WDR70: variants seen among roughly 807,000 people sequenced by gnomAD.
WDR70 encodes WD repeat domain 70, also known as WD repeat-containing protein 70.
A neutral mutation model predicts 88.6 loss-of-function variants in WDR70; 53 were observed. The observed-to-expected ratio is 0.60, with a 90% CI of 0.48 to 0.75. WDR70 has a LOEUF of 0.75. Ranked by LOEUF, WDR70 falls within the 30% of genes least tolerant of loss-of-function variation. WDR70 has a pLI of 0.00. For synonymous variants in WDR70, 280 were observed against 270.0 expected, an observed-to-expected ratio of 1.04 and a Z score of -0.36; for missense variants, 610 against 823.2, an observed-to-expected ratio of 0.74 and a Z score of 3.17.
At chr5:37,533,501 A>G (rs1741564788) in intron 9 of WDR70, among the ~76,000 whole-genome samples, 1 of 137,010 alleles carries the variant, frequency 7.3e-6, no homozygotes, top group South Asian at 2.6e-4. Context: ...CACCACCACC[A>G]CGTTCTAGGA....
intron 13 of WDR70, among the ~76,000 whole-genome samples, chr5:37,708,708 A>G (rs1747427528): frequency 2.6e-5 from 4 of 152,288 alleles, no homozygotes; most frequent in South Asian, 4.1e-4. Flanking sequence ...CATTCAGACT[A>G]TAGTCAGCCT....
At chr5:37,742,083 A>C (rs1748498568) in intron 17 of WDR70, among the ~76,000 whole-genome samples, 1 of 152,038 alleles carries the variant, frequency 6.6e-6, no homozygotes, top group Admixed American at 6.6e-5. Context: ...TTATGTTTTC[A>C]GTTTTGGAGG....
chr5:37,467,538 T>A (rs1270996164), intron 7 of WDR70, among the ~76,000 whole-genome samples: 2 of 10,236 alleles, frequency 2.0e-4, no homozygotes, highest in Non-Finnish European at 0.067. Context: ...ATATGAATTT[T>A]TTTTTTTTTT....
chr5:37,535,208 A>C (rs1741628846), intron 9 of WDR70, among the ~76,000 whole-genome samples: 1 of 152,148 alleles, frequency 6.6e-6, no homozygotes, highest in Admixed American at 6.5e-5. Flanking sequence ...AGTCAGAGAA[A>C]GCCTTGGAAT....
chr5:37,669,110 CT>C (rs1326143974), intron 10 of WDR70, among the ~76,000 whole-genome samples: 1 of 152,174 alleles, frequency 6.6e-6, no homozygotes, highest in African/African-American at 2.4e-5. Flanking sequence ...TGTTTTCCCC[CT>C]TTCCCAACTT....
At chr5:37,397,063 G>A (rs1029541384) in intron 5 of WDR70, among the ~76,000 whole-genome samples, 7 of 152,020 alleles carry the variant, frequency 4.6e-5, no homozygotes, top group Non-Finnish European at 7.4e-5. Context: ...GATAATTTGG[G>A]CCCAGGAGAT....
intron 5 of WDR70, among the ~76,000 whole-genome samples, chr5:37,398,220 C>T (rs966918546): frequency 4.6e-5 from 7 of 151,158 alleles, no homozygotes; most frequent in African/African-American, 1.7e-4. Flanking sequence ...TCCTGAGTAG[C>T]TGAGACTACA....
chr5:37,703,973 G>A (rs1747244378), intron 13 of WDR70, among the ~76,000 whole-genome samples: 1 of 152,144 alleles, frequency 6.6e-6, no homozygotes, highest in African/African-American at 2.4e-5. Context: ...GCACTTACGT[G>A]ACTCAGACAA....
chr5:37,657,712 CA>C (rs1251081706), intron 10 of WDR70, among the ~76,000 whole-genome samples: 4 of 152,156 alleles, frequency 2.6e-5, no homozygotes, highest in Admixed American at 1.3e-4. Context: ...GAATCAGGAC[CA>C]TCTGGTAGGA....
At chr5:37,717,794 A>T (rs1255712521) in intron 13 of WDR70, among the ~76,000 whole-genome samples, 1 of 152,222 alleles carries the variant, frequency 6.6e-6, no homozygotes, top group Non-Finnish European at 1.5e-5. Context: ...CCTTGACAGG[A>T]TAAAATGTGG....
At chr5:37,702,869 T>G in intron 12 of WDR70, 80 bp from the exon 13 acceptor site, 2 of 1,429,644 alleles carry the variant, frequency 1.4e-6, no homozygotes, top group East Asian at 4.6e-5. Flanking sequence ...GAGATGTTTA[T>G]ATTTTATTTA....
chr5:37,396,324 T>C (rs1749010380), intron 4 of WDR70, 51 bp from the exon 5 acceptor site: 2 of 1,493,258 alleles, frequency 1.3e-6, no homozygotes, highest in South Asian at 1.5e-5. Context: ...ATTTCCAAAG[T>C]GTGCTCTTCA....
At chr5:37,665,717 T>A (rs1409212057) in intron 10 of WDR70, among the ~76,000 whole-genome samples, 1 of 152,238 alleles carries the variant, frequency 6.6e-6, no homozygotes, top group Admixed American at 6.5e-5. Flanking sequence ...TGAGTACATT[T>A]CAGATTCACT....
intron 9 of WDR70, among the ~76,000 whole-genome samples, chr5:37,566,870 AG>A (rs1441034993): frequency 1.3e-5 from 2 of 152,192 alleles, no homozygotes; most frequent in African/African-American, 4.8e-5. Flanking sequence ...ATAGTTCACC[AG>A]GGATTTAGTT....
At chr5:37,512,606 G>A (rs1457489976) in intron 8 of WDR70, among the ~76,000 whole-genome samples, 1 of 148,598 alleles carries the variant, frequency 6.7e-6, no homozygotes, top group Non-Finnish European at 1.5e-5. Flanking sequence ...TTTTGAGACA[G>A]GGTCTTGCTC....
rs1257541175 is a variant in WDR70 at position 37,396,445 on chromosome 5, C to T, written c.367C>T (p.Pro123Ser). ...SDDELIGPPL[P>S]PKMVGKPVNF... ...TGATGAGTTAATTGGCCCTCCTTTA[C>T]CCCCTAAAATGGTAGGAAAACCAGT... Residue 123 changes from proline to serine, a missense_variant, in exon 5 of 18, where the codon CCC becomes TCC. Transcript: ENST00000265107. 2.5e-6 allele frequency: 4 copies of T among 1,613,940 alleles called. No individual in the cohort carries two copies. Among genetic ancestry groups the T allele is most frequent in the Non-Finnish European group, 1.7e-6 (2 of 1,179,996 alleles).
rs1225078299 is a variant in WDR70 at position 37,428,621 on chromosome 5, C to CT, written c.493-9300dup. Among the ~76,000 whole-genome samples, 4 of 152,288 alleles carry CT rather than the reference C, an allele frequency of 2.6e-5. No individual in the cohort carries two copies. In the East Asian group the frequency reaches 7.7e-4, roughly 29 times the overall value. The stretch of plus-strand genomic sequence containing the variant: ...GTTAGTGCTTTGTTCATTTTTATTG[C>CT]TAAGTAGTAGTATGTTTATGAATCT... On this transcript the variant is annotated intron_variant, in intron 5 of 17. Coordinates refer to ENST00000265107, the MANE Select transcript of WDR70 (RefSeq NM_018034.4).
intron 16 of WDR70, among the ~76,000 whole-genome samples, chr5:37,725,746 TTCTAACTATGCACCTTAG>T (rs1415288879): frequency 6.6e-6 from 1 of 152,124 alleles, no homozygotes; most frequent in Admixed American, 6.6e-5. Flanking sequence ...TTGTGAACCC[TTCTAACTATGCACCTTAG>T]TCTCAAGTCA....
Position 37,394,065 on chromosome 5 carries a change from G to A in WDR70, c.296+1945G>A, listed in dbSNP as rs1748930787. ...CTCATGCCTGTAATCCCAGCACTTT[G>A]GGAGGCCGAACTGGGTGGATCACGA... On this transcript the variant is annotated intron_variant, in intron 4 of 17. Coordinates refer to ENST00000265107, the MANE Select transcript of WDR70 (RefSeq NM_018034.4). Among the ~76,000 whole-genome samples the A allele has an allele frequency of 2.0e-5, 3 of 152,116 alleles. No homozygotes were observed. In the South Asian group the frequency reaches 6.2e-4, roughly 32 times the overall value.
Sources: allele counts gnomAD v4.1 joint callset (sites outside exome capture counted in the v4.1 genomes callset), GRCh38; gene constraint gnomAD v4.1.1; transcripts MANE v1.5; gene names NCBI Gene and HGNC (gene_info 2026-07-23, HGNC 2026-07-21).